The following THSD4 variants were observed in gnomAD, a reference collection of about 807,000 sequenced individuals.
THSD4 encodes the protein thrombospondin type-1 domain-containing protein 4.
THSD4 carries 69 observed loss-of-function variants against 119.0 expected under a neutral mutation model. That is an observed-to-expected ratio of 0.58 (90% confidence interval 0.48 to 0.71). THSD4 has a LOEUF of 0.71. Ranked by LOEUF, THSD4 falls within the 30% of genes least tolerant of loss-of-function variation. The pLI is 0.00. For synonymous variants in THSD4, 524 were observed against 540.4 expected (o/e 0.97, Z 0.42); for missense variants, 1,393 against 1,391.1 (o/e 1.00, Z -0.02).
chr15:71,242,916 G>C lies in THSD4; in HGVS notation c.732G>C (p.Gln244His), dbSNP rs771314958. The C allele has an allele frequency of 7.4e-6, 12 of 1,614,014 alleles. No homozygotes were observed. In the Admixed American group the frequency reaches 2.0e-4, roughly 27 times the overall value. Residue 244 changes from glutamine (Q) to histidine (H), a missense_variant, in exon 5 of 18, where the codon CAG becomes CAC. Gln to His is a conservative substitution (Grantham distance 24). Transcript: ENST00000261862. ...GLQAAEAPIY[Q>H]LPLTHDQGYP... Reference sequence around the variant, plus strand: ...AGGCTGCGGAGGCCCCCATCTACCAGCTACCTTTGACCCATGATCAAGGCT... The same window carrying C: ...AGGCTGCGGAGGCCCCCATCTACCACCTACCTTTGACCCATGATCAAGGCT...
intron 6 of THSD4, among the ~76,000 whole-genome samples, chr15:71,301,308 C>A (rs1261268221): frequency 6.6e-6 from 1 of 152,176 alleles, no homozygotes; most frequent in Non-Finnish European, 1.5e-5. Flanking sequence ...ATGTTGTAAA[C>A]AGCTTTTAGG....
intron 1 of THSD4, among the ~76,000 whole-genome samples, chr15:71,101,083 T>C (rs1293285268): frequency 6.6e-6 from 1 of 152,160 alleles, no homozygotes; most frequent in Admixed American, 6.5e-5. Context: ...ACATATTTTA[T>C]GTTTGTTTCT....
At chr15:71,343,556 C>T (rs751677953) in intron 6 of THSD4, among the ~76,000 whole-genome samples, 63 of 152,096 alleles carry the variant, frequency 4.1e-4, no homozygotes, top group Non-Finnish European at 8.2e-4. Flanking sequence ...CACTGGCCTT[C>T]CTTGACTTTT....
chr15:71,602,121 G>C (rs1400338767), intron 7 of THSD4, among the ~76,000 whole-genome samples: 1 of 152,096 alleles, frequency 6.6e-6, no homozygotes, highest in Non-Finnish European at 1.5e-5. Context: ...GAGGGGTGAG[G>C]ACAGTAATAA....
intron 6 of THSD4, among the ~76,000 whole-genome samples, chr15:71,371,222 C>G (rs1470328938): frequency 2.6e-5 from 4 of 152,154 alleles, no homozygotes; most frequent in Non-Finnish European, 5.9e-5. Flanking sequence ...TGGGTCTTGA[C>G]TCTTTATCCA....
chr15:71,496,514 C>CT (rs1268576492), intron 7 of THSD4, among the ~76,000 whole-genome samples: 1 of 152,166 alleles, frequency 6.6e-6, no homozygotes, highest in Non-Finnish European at 1.5e-5. Context: ...CCCAAGGTGG[C>CT]TGCTGGAGCT....
At chr15:71,255,797 A>G (rs1257446070) in intron 5 of THSD4, among the ~76,000 whole-genome samples, 1 of 152,092 alleles carries the variant, frequency 6.6e-6, no homozygotes, top group Non-Finnish European at 1.5e-5. Flanking sequence ...TGTTTACCTT[A>G]TTGGTTGTTG....
chr15:71,463,097 C>T (rs564640804), intron 7 of THSD4, among the ~76,000 whole-genome samples: 2 of 152,128 alleles, frequency 1.3e-5, no homozygotes, highest in Admixed American at 6.6e-5. Context: ...ATATTCATGT[C>T]GTTGGTTTTT....
At chr15:71,643,106 A>G (rs1014556161) in intron 7 of THSD4, among the ~76,000 whole-genome samples, 3 of 152,146 alleles carry the variant, frequency 2.0e-5, no homozygotes, top group Non-Finnish European at 2.9e-5. Context: ...CTCTTGGGGT[A>G]CTGGGAGGAG....
intron 16 of THSD4, among the ~76,000 whole-genome samples, chr15:71,770,403 C>T (rs1026158478): frequency 6.0e-5 from 9 of 150,232 alleles, no homozygotes; most frequent in African/African-American, 2.2e-4. Flanking sequence ...GCCTATAATC[C>T]CAGCACTTTG....
intron 6 of THSD4, among the ~76,000 whole-genome samples, chr15:71,314,814 A>G (rs567219562): frequency 6.6e-6 from 1 of 152,332 alleles, no homozygotes; most frequent in Admixed American, 6.5e-5. Flanking sequence ...AACAGACTCA[A>G]AGAGAACCAT....
intron 7 of THSD4, among the ~76,000 whole-genome samples, chr15:71,606,306 A>G (rs2050108645): frequency 6.6e-6 from 1 of 152,210 alleles, no homozygotes; most frequent in African/African-American, 2.4e-5. Context: ...GTGGCAGGGC[A>G]GAGAGACCAC....
At chr15:71,197,878 C>T (rs988594377) in intron 3 of THSD4, among the ~76,000 whole-genome samples, 3 of 148,810 alleles carry the variant, frequency 2.0e-5, no homozygotes, top group Non-Finnish European at 3.0e-5. Context: ...GTGTTTGGCA[C>T]TCTTGGGTGA....
intron 6 of THSD4, among the ~76,000 whole-genome samples, chr15:71,369,465 G>T (rs186178874): frequency 2.0e-4 from 31 of 152,034 alleles, no homozygotes; most frequent in Admixed American, 2.6e-4. Context: ...CATCAATACC[G>T]AATTTATTGA....
chr15:71,739,114 AC>A (rs1244563289), intron 11 of THSD4, among the ~76,000 whole-genome samples: 8 of 150,980 alleles, frequency 5.3e-5, no homozygotes, highest in African/African-American at 2.0e-4. Flanking sequence ...AAAAAAAAAA[AC>A]AAAACTTTGC....
chr15:71,097,293 G>A (rs757127965), intron 1 of THSD4, among the ~76,000 whole-genome samples: 1 of 152,132 alleles, frequency 6.6e-6, no homozygotes, highest in African/African-American at 2.4e-5. Context: ...GGCTGGGCAC[G>A]GTGGTTGACG....
chr15:71,136,388 C>T (rs1319392343), intron 1 of THSD4, among the ~76,000 whole-genome samples: 1 of 152,040 alleles, frequency 6.6e-6, no homozygotes, highest in Admixed American at 6.5e-5. Context: ...GACAGGAGAG[C>T]ATATTGGTGA....
intron 6 of THSD4, among the ~76,000 whole-genome samples, chr15:71,285,729 C>T (rs181714011): frequency 2.0e-5 from 3 of 152,030 alleles, no homozygotes; most frequent in African/African-American, 7.2e-5. Context: ...TGGTGTGCAC[C>T]TGTAGTCCCA....
At chr15:71,597,618 A>G (rs1358848314) in intron 7 of THSD4, among the ~76,000 whole-genome samples, 1 of 152,210 alleles carries the variant, frequency 6.6e-6, no homozygotes, top group African/African-American at 2.4e-5. Context: ...GTTTGGAAGA[A>G]CAGGAGGAGA....
Sources: allele counts gnomAD v4.1 joint callset (sites outside exome capture counted in the v4.1 genomes callset), GRCh38; gene constraint gnomAD v4.1.1; transcripts MANE v1.5; gene names NCBI Gene and HGNC (gene_info 2026-07-23, HGNC 2026-07-21).